Variants in AGMO observed in about 807,000 individuals in gnomAD.
The protein encoded by AGMO is glyceryl-ether monooxygenase.
A neutral mutation model predicts 60.2 loss-of-function variants in AGMO; 75 were observed. That is an observed-to-expected ratio of 1.25 (90% CI 1.03 to 1.51). AGMO has a LOEUF of 1.51. AGMO is among the 40% of genes most tolerant of loss of function. The pLI is 0.00. For missense variants in AGMO, 763 were observed against 525.5 expected, an observed-to-expected ratio of 1.45 and a Z score of -4.42; for synonymous variants, 261 against 177.1, an observed-to-expected ratio of 1.47 and a Z score of -3.76.
At chr7:15,211,838 A>G (rs747565592) in intron 12 of AGMO, among the ~76,000 whole-genome samples, 8 of 152,044 alleles carry the variant, frequency 5.3e-5, no homozygotes, top group Non-Finnish European at 8.8e-5. Flanking sequence ...TACAAAAAAC[A>G]ATTTTTTAGT....
intron 3 of AGMO, among the ~76,000 whole-genome samples, chr7:15,544,315 T>A (rs1784712681): frequency 6.6e-6 from 1 of 152,046 alleles, no homozygotes; most frequent in Non-Finnish European, 1.5e-5. Context: ...AAATCAAAAC[T>A]GAAGAACTTA....
the AGMO span, among the ~76,000 whole-genome samples, chr7:15,185,208 C>A: frequency 6.6e-6 from 1 of 152,040 alleles, no homozygotes; most frequent in Non-Finnish European, 1.5e-5. Flanking sequence ...CTTCAATGTT[C>A]CATTTCAGTT....
the AGMO span, among the ~76,000 whole-genome samples, chr7:15,135,066 T>C: frequency 6.6e-6 from 1 of 151,130 alleles, no homozygotes; most frequent in African/African-American, 2.4e-5. Context: ...TTAAATTAGA[T>C]ATATAATATA....
chr7:15,490,394 A>C (rs1020743790), intron 3 of AGMO, among the ~76,000 whole-genome samples: 1 of 151,846 alleles, frequency 6.6e-6, no homozygotes, highest in African/African-American at 2.4e-5. Context: ...TAGTTGCATA[A>C]AGTAGTTCTT....
chr7:15,127,327 G>C, the AGMO span, among the ~76,000 whole-genome samples: 1 of 152,048 alleles, frequency 6.6e-6, no homozygotes, highest in Non-Finnish European at 1.5e-5. Flanking sequence ...ACTCATTGTT[G>C]CCAAGGTATT....
At chr7:15,248,224 A>ATATATATCTC (rs1486326352) in intron 12 of AGMO, among the ~76,000 whole-genome samples, 1 of 98,748 alleles carries the variant, frequency 1.0e-5, no homozygotes, top group African/African-American at 4.1e-5. Context: ...ATATATATAT[A>ATATATATCTC]TCTTCATCTT....
At chr7:15,168,829 G>A in the AGMO span, among the ~76,000 whole-genome samples, 1 of 152,226 alleles carries the variant, frequency 6.6e-6, no homozygotes, top group South Asian at 2.1e-4. Flanking sequence ...AAGGCACTTA[G>A]AATAAAGCTG....
chr7:15,198,249 G>C (rs1266052081), downstream of AGMO, among the ~76,000 whole-genome samples: 64 of 78,472 alleles, frequency 8.2e-4, 1 homozygote, highest in African/African-American at 3.1e-3. Context: ...GAGAGAGAGA[G>C]AGAGAGACAG....
intron 10 of AGMO, among the ~76,000 whole-genome samples, chr7:15,374,557 G>C (rs1198206027): frequency 2.0e-5 from 3 of 152,030 alleles, no homozygotes; most frequent in African/African-American, 7.3e-5. Context: ...ATGTGTACCT[G>C]ATAAGATAGA....
chr7:15,307,775 C>T (rs762168148), intron 12 of AGMO, among the ~76,000 whole-genome samples: 3 of 152,024 alleles, frequency 2.0e-5, no homozygotes, highest in Non-Finnish European at 4.4e-5. Context: ...AGTATCTCTC[C>T]TTTCAGATCT....
intron 12 of AGMO, among the ~76,000 whole-genome samples, chr7:15,250,252 GTATT>G (rs1782891017): frequency 6.6e-6 from 1 of 152,076 alleles, no homozygotes; most frequent in Non-Finnish European, 1.5e-5. Context: ...TATCAAAAAA[GTATT>G]TATTTATATT....
At chr7:15,516,441 C>G (rs1562547062) in intron 3 of AGMO, among the ~76,000 whole-genome samples, 1 of 152,204 alleles carries the variant, frequency 6.6e-6, no homozygotes, top group South Asian at 2.1e-4. Flanking sequence ...AGTTTATGAC[C>G]TTTACTGAAC....
At chr7:15,350,599 A>C (rs74960884) in intron 12 of AGMO, among the ~76,000 whole-genome samples, 4,697 of 152,218 alleles carry the variant, frequency 0.031, 97 homozygotes, top group Admixed American at 0.05. Context: ...CCCAAGTGAG[A>C]ATGTTTCAAC....
chr7:15,362,128 T>C (rs915651561), intron 12 of AGMO, among the ~76,000 whole-genome samples: 3 of 152,140 alleles, frequency 2.0e-5, no homozygotes, highest in Non-Finnish European at 4.4e-5. Context: ...ACTTATTGTT[T>C]GAAGAACAGT....
At chr7:15,261,319 T>C (rs929120315) in intron 12 of AGMO, among the ~76,000 whole-genome samples, 3 of 151,974 alleles carry the variant, frequency 2.0e-5, no homozygotes, top group Non-Finnish European at 4.4e-5. Context: ...AAATGGGAGA[T>C]ACTACAAGTG....
At chr7:15,526,717 T>G (rs192099162) in intron 3 of AGMO, among the ~76,000 whole-genome samples, 17 of 152,298 alleles carry the variant, frequency 1.1e-4, no homozygotes, top group East Asian at 9.6e-4. Context: ...TGTGCTACAC[T>G]TTATTGGGCT....
chr7:15,233,414 C>T (rs1400941805), intron 12 of AGMO, among the ~76,000 whole-genome samples: 3 of 152,060 alleles, frequency 2.0e-5, no homozygotes, highest in Non-Finnish European at 4.4e-5. Flanking sequence ...CAGAAAAACA[C>T]AGCCCTCTCC....
rs551650927 is a variant in AGMO, at chr7:15,478,385, C to A, written c.410-47277G>T. The stretch of plus-strand genomic sequence containing the variant: ...CTTTAAGAAGAAGAACTGTATCAAC[C>A]AAGAATCACTGAAAATACATTGAAG... On this transcript the variant is annotated intron_variant, in intron 3 of 12. Transcript: ENST00000342526. 1.5e-4 allele frequency among the ~76,000 whole-genome samples: 23 copies of A among 152,186 alleles called. No homozygotes were observed. In the Middle Eastern group the frequency reaches 0.014, roughly 90 times the overall value.
chr7:15,366,726 C>G (rs1562462113), intron 10 of AGMO, among the ~76,000 whole-genome samples: 1 of 151,960 alleles, frequency 6.6e-6, no homozygotes, highest in Non-Finnish European at 1.5e-5. Context: ...AATCTACATG[C>G]TCATATATAC....
Sources: gnomAD v4.1 joint callset for allele counts (sites outside exome capture counted in the v4.1 genomes callset) on GRCh38, gnomAD v4.1.1 for gene constraint, MANE v1.5 for transcripts, NCBI Gene and HGNC (gene_info 2026-07-23, HGNC 2026-07-21) for gene names.